FREM1: variants seen among roughly 807,000 people sequenced by gnomAD.
FREM1 encodes the protein FRAS1 related extracellular matrix 1, also known as FRAS1-related extracellular matrix protein 1.
A neutral mutation model predicts 210.1 loss-of-function variants in FREM1; 220 were observed. That is an observed-to-expected ratio of 1.05 (90% confidence interval 0.94 to 1.17). The LOEUF (loss-of-function observed/expected upper bound fraction) is 1.17, where lower values mean the gene tolerates loss of function less well. FREM1 is among the 50% of genes most tolerant of loss of function. The pLI is 0.00. For missense variants in FREM1, 3,454 were observed against 2,675.5 expected (o/e 1.29, Z -6.42); for synonymous variants, 1,189 against 980.2 (o/e 1.21, Z -3.98).
intron 24 of FREM1, among the ~76,000 whole-genome samples, chr9:14,780,535 C>T (rs1849498754): frequency 6.6e-6 from 1 of 151,492 alleles, no homozygotes; most frequent in African/African-American, 2.4e-5. Flanking sequence ...TTGCTAATCA[C>T]TCGGTGTCAT....
chr9:14,814,605 C>A (rs1022808382), intron 15 of FREM1, among the ~76,000 whole-genome samples: 2 of 152,126 alleles, frequency 1.3e-5, no homozygotes, highest in South Asian at 2.1e-4. Flanking sequence ...TAAGAAAAAA[C>A]CATCTTTGTT....
At chr9:14,868,637 G>A (rs1831988913) in intron 2 of FREM1, 107 bp downstream of exon 2, 1 of 722,484 alleles carries the variant, frequency 1.4e-6, no homozygotes, top group Non-Finnish European at 2.4e-6. Flanking sequence ...ACTCGTCTTT[G>A]ATGGCTTGAG....
chr9:14,759,679 G>T, intron 28 of FREM1, 93 bp downstream of exon 28: 2 of 1,214,726 alleles, frequency 1.6e-6, no homozygotes, highest in Non-Finnish European at 2.3e-6. Context: ...AAATTTCCTT[G>T]GTCACTCTGA....
chr9:14,776,823 C>T (rs962519927), intron 24 of FREM1, among the ~76,000 whole-genome samples: 5 of 152,146 alleles, frequency 3.3e-5, no homozygotes, highest in African/African-American at 1.2e-4. Context: ...AGGGGATGGA[C>T]CAGAAGATCA....
Position 14,823,325 on chromosome 9 carries a change from A to G in FREM1, c.2172T>C (p.His724=). 1 of 1,612,478 alleles carries G rather than the reference A, an allele frequency of 6.2e-7. No individual in the cohort carries two copies. Among genetic ancestry groups the G allele is most frequent in the Non-Finnish European group, 8.5e-7 (1 of 1,178,930 alleles). The part of the protein sequence containing the change: ...TALELRSFTQ[H]AVNYMKVAYM... ...AGGCCACTTTCATATAGTTCACAGC[A>G]TGCTGCAAAGTAAGTTGAGATGGAT... Residue 724 remains histidine (H), a splice_region_variant and synonymous_variant, in exon 13 of 37, where the codon CAT becomes CAC. Transcript: ENST00000380880.
intron 10 of FREM1, among the ~76,000 whole-genome samples, chr9:14,838,824 T>C (rs1200263003): frequency 6.6e-6 from 1 of 152,138 alleles, no homozygotes; most frequent in Non-Finnish European, 1.5e-5. Context: ...TACAGAAAGT[T>C]CAACAACAAA....
In FREM1 at chr9:14,801,529, C is replaced by G. The variant is rs567295106; in HGVS notation, c.3694+123G>C. The G allele has an allele frequency of 4.3e-6, 3 of 698,638 alleles. No individual in the cohort carries two copies. In the East Asian group the frequency reaches 8.2e-5, roughly 19 times the overall value. 43.3% of individuals were successfully genotyped at this position (698,638 alleles called of 1,614,324 possible). A position where few individuals can be genotyped will look rare whatever the true frequency, so the allele number is the denominator to read the frequency against. ...TCTCCCCAATCCTCCCACCCTCAGC[C>G]TCTAGTAACCATCATTCTACTCTCT... On this transcript the variant is annotated intron_variant, in intron 20 of 36. Coordinates refer to ENST00000380880, the MANE Select transcript of FREM1 (RefSeq NM_001379081.2).
intron 10 of FREM1, among the ~76,000 whole-genome samples, chr9:14,826,179 A>T (rs967701101): frequency 7.0e-6 from 1 of 141,974 alleles, no homozygotes; most frequent in Non-Finnish European, 1.5e-5. Flanking sequence ...TGCAAGCTCC[A>T]CTCCCAGGTT....
At chr9:14,830,537 G>C (rs1007562600) in intron 10 of FREM1, among the ~76,000 whole-genome samples, 2 of 152,118 alleles carry the variant, frequency 1.3e-5, no homozygotes, top group Non-Finnish European at 2.9e-5. Flanking sequence ...ATAATTGTTT[G>C]AACATGCATA....
intron 8 of FREM1, among the ~76,000 whole-genome samples, chr9:14,843,217 G>A (rs1218339921): frequency 6.6e-6 from 1 of 152,100 alleles, no homozygotes; most frequent in Non-Finnish European, 1.5e-5. Flanking sequence ...TTGGGCCTTT[G>A]AACTCTGGAA....
intron 8 of FREM1, 137 bp downstream of exon 8, chr9:14,845,823 A>G: frequency 1.2e-6 from 1 of 839,292 alleles, no homozygotes; most frequent in South Asian, 1.6e-5. Flanking sequence ...TGATTTCAAG[A>G]TCTCCAGATT....
chr9:14,779,490 C>T (rs951805423), intron 24 of FREM1: 4 of 985,112 alleles, frequency 4.1e-6, no homozygotes, highest in African/African-American at 3.5e-5. Context: ...CCATCAGAGG[C>T]GGCCATCTTG....
intron 24 of FREM1, among the ~76,000 whole-genome samples, chr9:14,780,638 A>C (rs1036996777): frequency 6.6e-6 from 1 of 152,108 alleles, no homozygotes; most frequent in Non-Finnish European, 1.5e-5. Context: ...TTTTTGCAGA[A>C]GGTAAAATCT....
At chr9:14,789,531 T>C (rs1003121431) in intron 22 of FREM1, among the ~76,000 whole-genome samples, 3 of 152,190 alleles carry the variant, frequency 2.0e-5, no homozygotes, top group Non-Finnish European at 2.9e-5. Context: ...TAGTCAAATA[T>C]ACTTTTTTTC....
At chr9:14,788,167 A>C (rs1850707665) in intron 23 of FREM1, among the ~76,000 whole-genome samples, 1 of 152,210 alleles carries the variant, frequency 6.6e-6, no homozygotes, top group Non-Finnish European at 1.5e-5. Flanking sequence ...CATCCTGGGA[A>C]TATCTAGATC....
intron 1 of FREM1, among the ~76,000 whole-genome samples, chr9:14,903,845 G>C (rs1817164036): frequency 6.6e-6 from 1 of 152,072 alleles, no homozygotes. Flanking sequence ...TTTCTGGCCG[G>C]GTGCGGTGGC....
intron 20 of FREM1, among the ~76,000 whole-genome samples, chr9:14,800,700 T>C (rs1817107564): frequency 6.6e-6 from 1 of 152,144 alleles, no homozygotes; most frequent in Non-Finnish European, 1.5e-5. Flanking sequence ...TTAATGGTAG[T>C]CTAAAAGTGA....
chr9:14,848,534 C>T (rs1025183353), intron 7 of FREM1, 131 bp downstream of exon 7: 5 of 441,410 alleles, frequency 1.1e-5, no homozygotes, highest in Admixed American at 3.7e-5. Context: ...CTATGTGATG[C>T]CCTTAATCTG....
At position 14,842,538 on chromosome 9, in the gene FREM1, T is replaced by C; in HGVS notation, c.1516A>G (p.Ile506Val). The C allele has an allele frequency of 4.3e-6, 7 of 1,613,992 alleles. No individual in the cohort carries two copies. Among genetic ancestry groups the C allele is most frequent in the Non-Finnish European group, 5.1e-6 (6 of 1,179,852 alleles). The part of the protein sequence containing the change: ...VFRIFDGHHS[I>V]RHKFPINVLP... ...ACGTTGATGGGGAATTTGTGACGGATGCTGTGATGGCCATCAAATATCCGG... is the reference window on the plus strand; with the variant it reads ...ACGTTGATGGGGAATTTGTGACGGACGCTGTGATGGCCATCAAATATCCGG... Residue 506 changes from isoleucine to valine, a missense_variant, in exon 9 of 37, where the codon ATC becomes GTC. Physicochemically the swap from Ile to Val is conservative, Grantham distance 29. Coordinates refer to ENST00000380880, the MANE Select transcript of FREM1 (RefSeq NM_001379081.2).
Sources: allele counts gnomAD v4.1 joint callset (sites outside exome capture counted in the v4.1 genomes callset), GRCh38; gene constraint gnomAD v4.1.1; transcripts MANE v1.5; gene names NCBI Gene and HGNC (gene_info 2026-07-23, HGNC 2026-07-21).